The following CDH4 variants were observed in gnomAD, a reference collection of about 807,000 sequenced individuals.
CDH4 encodes cadherin-4.
A neutral mutation model predicts 86.0 loss-of-function variants in CDH4; 33 were observed. The ratio of observed to expected loss-of-function variants is 0.38; its 90% CI spans 0.29 to 0.51. CDH4 has a LOEUF of 0.51. CDH4 is among the 20% of genes least tolerant of loss of function. The probability of loss-of-function intolerance (pLI) is 0.86; values close to 1 mark genes in which losing one functional copy is unlikely to be tolerated. For missense variants in CDH4, 1,114 were observed against 1,307.4 expected (o/e 0.85, Z 2.28); for synonymous variants, 555 against 549.4 (o/e 1.01, Z -0.14).
chr20:61,778,632 A>T (rs1978373294), intron 4 of CDH4, among the ~76,000 whole-genome samples: 1 of 152,082 alleles, frequency 6.6e-6, no homozygotes, highest in Non-Finnish European at 1.5e-5. Flanking sequence ...CCGCAGTCTA[A>T]AGTGAGTGGT....
chr20:61,372,821 G>A (rs182492103), intron 2 of CDH4, among the ~76,000 whole-genome samples: 8 of 152,338 alleles, frequency 5.3e-5, no homozygotes, highest in African/African-American at 1.9e-4. Flanking sequence ...CACTTACCAA[G>A]CTAGACTATT....
chr20:61,894,512 G>A lies in CDH4; in HGVS notation c.1051-398G>A, dbSNP rs138225705. 1.6e-4 allele frequency among the ~76,000 whole-genome samples: 24 copies of A among 152,230 alleles called. No homozygotes were observed. In the East Asian group the frequency reaches 4.3e-3, roughly 27 times the overall value. On this transcript the variant is annotated intron_variant, in intron 7 of 15. Coordinates refer to ENST00000614565, the MANE Select transcript of CDH4 (RefSeq NM_001794.5). The stretch of plus-strand genomic sequence containing the variant: ...CAAGAAACGAAGTCCCTCCTGACCC[G>A]CGTCTGTGGGGCATCCCTCCCTTTG...
At chr20:61,751,689 T>C (rs563250502) in intron 3 of CDH4, among the ~76,000 whole-genome samples, 1 of 152,354 alleles carries the variant, frequency 6.6e-6, no homozygotes, top group South Asian at 2.1e-4. Context: ...TAAAGGGTTA[T>C]GTAAGTACCT....
At chr20:61,882,862 G>A (rs1003500988) in intron 7 of CDH4, among the ~76,000 whole-genome samples, 10 of 134,442 alleles carry the variant, frequency 7.4e-5, no homozygotes, top group African/African-American at 1.4e-4. Context: ...TCACCCGGCC[G>A]GCCCCGCAGG....
chr20:61,500,157 T>C (rs1319582956), intron 2 of CDH4, among the ~76,000 whole-genome samples: 1 of 152,174 alleles, frequency 6.6e-6, no homozygotes, highest in African/African-American at 2.4e-5. Flanking sequence ...CTCGGGATGG[T>C]CCCGTGTGTC....
intron 2 of CDH4, among the ~76,000 whole-genome samples, chr20:61,297,496 A>G (rs749136590): frequency 1.3e-4 from 20 of 152,232 alleles, no homozygotes; most frequent in Non-Finnish European, 2.4e-4. Flanking sequence ...CTCACCATGA[A>G]CATATCTCAG....
In CDH4 at chr20:61,852,866, A is replaced by C; in HGVS notation, c.845A>C (p.Tyr282Ser). The change falls in exon 6 of 16, where the codon TAC (tyrosine) becomes TCC (serine). Residue 282 changes from tyrosine to serine, a missense_variant. Coordinates refer to ENST00000614565, the MANE Select transcript of CDH4 (RefSeq NM_001794.5). ...DNRPEFINQV[Y>S]NGSVDEGSKP... Reference sequence around the variant, plus strand: ...CGCCCTGAGTTCATCAACCAGGTCTACAACGGCTCCGTGGACGAGGGCTCC... The same window carrying C: ...CGCCCTGAGTTCATCAACCAGGTCTCCAACGGCTCCGTGGACGAGGGCTCC... 2.5e-6 allele frequency: 4 copies of C among 1,614,024 alleles called. No individual in the cohort carries two copies. The highest frequency in any genetic ancestry group is 3.4e-6 in the Non-Finnish European group (4 of 1,179,946).
intron 2 of CDH4, among the ~76,000 whole-genome samples, chr20:61,326,380 C>T (rs1260305093): frequency 6.6e-6 from 1 of 152,154 alleles, no homozygotes; most frequent in African/African-American, 2.4e-5. Context: ...ATGAAATACA[C>T]AACACTCTTT....
intron 2 of CDH4, among the ~76,000 whole-genome samples, chr20:61,443,066 C>T (rs2085322720): frequency 6.6e-6 from 1 of 152,222 alleles, no homozygotes; most frequent in Admixed American, 6.5e-5. Flanking sequence ...TGATTGAGAA[C>T]CGCTGCCTAG....
At chr20:61,806,810 C>G (rs1229370545) in intron 4 of CDH4, among the ~76,000 whole-genome samples, 2 of 152,152 alleles carry the variant, frequency 1.3e-5, no homozygotes, top group African/African-American at 4.8e-5. Flanking sequence ...CATGTGCACA[C>G]CGTCTCTGTG....
intron 4 of CDH4, among the ~76,000 whole-genome samples, chr20:61,797,855 C>T (rs889336059): frequency 3.9e-5 from 6 of 152,156 alleles, no homozygotes; most frequent in African/African-American, 7.2e-5. Context: ...GAAGCCCAGG[C>T]GGAGAGATCG....
At chr20:61,602,175 G>A (rs890315194) in intron 2 of CDH4, among the ~76,000 whole-genome samples, 2 of 152,184 alleles carry the variant, frequency 1.3e-5, no homozygotes, top group African/African-American at 4.8e-5. Flanking sequence ...AGGGTGTCCA[G>A]CTGAGCCCTC....
chr20:61,794,717 A>G (rs1979434384), intron 4 of CDH4, among the ~76,000 whole-genome samples: 1 of 152,210 alleles, frequency 6.6e-6, no homozygotes, highest in Non-Finnish European at 1.5e-5. Flanking sequence ...CCATGCACCT[A>G]GGACCAAAAA....
At chr20:61,682,311 TGGAA>T (rs200992859) in intron 2 of CDH4, among the ~76,000 whole-genome samples, 1 of 146,902 alleles carries the variant, frequency 6.8e-6, no homozygotes, top group African/African-American at 2.5e-5. Flanking sequence ...AAGGGACAGA[TGGAA>T]GGAGAGAGGG....
At position 61,378,471 on chromosome 20, in the gene CDH4, C is replaced by T. The variant is rs1056632175; in HGVS notation, c.169+123534C>T. Reference sequence around the variant, plus strand: ...GCTCCCTCCCTGGGTTTCTCCAGCTCCTGCTGGCTCCGGCTTTCCTTGGCT... The same window carrying T: ...GCTCCCTCCCTGGGTTTCTCCAGCTTCTGCTGGCTCCGGCTTTCCTTGGCT... On this transcript the variant is annotated intron_variant, in intron 2 of 15. Transcript: ENST00000614565. 3.9e-5 allele frequency among the ~76,000 whole-genome samples: 6 copies of T among 152,288 alleles called. No homozygotes were observed. In the Middle Eastern group the frequency reaches 0.01, roughly 259 times the overall value.
At chr20:61,565,270 T>TGGTG (rs1600764292) in intron 2 of CDH4, among the ~76,000 whole-genome samples, 2 of 116,664 alleles carry the variant, frequency 1.7e-5, no homozygotes, top group South Asian at 3.0e-4. Flanking sequence ...GTGGTGGTGG[T>TGGTG]CCTCTTGGTG....
At position 61,676,744 on chromosome 20, in the gene CDH4, C is replaced by A. The variant is rs1348000185; in HGVS notation, c.170-66819C>A. On this transcript the variant is annotated intron_variant, in intron 2 of 15. Coordinates refer to ENST00000614565, the MANE Select transcript of CDH4 (RefSeq NM_001794.5). The surrounding 1 kb of genome is among the most constrained non-coding windows in gnomAD (Gnocchi z 4.5). Reference sequence around the variant, plus strand: ...TGATGTAATACAAATGTAAATGATGCTGCATTTCAGAAGGTGGTGTTTGCT... The same window carrying A: ...TGATGTAATACAAATGTAAATGATGATGCATTTCAGAAGGTGGTGTTTGCT... 6.6e-6 allele frequency among the ~76,000 whole-genome samples: 1 copy of A among 152,240 alleles called. No homozygotes were observed. The highest frequency in any genetic ancestry group is 1.5e-5 in the Non-Finnish European group (1 of 68,052).
intron 2 of CDH4, among the ~76,000 whole-genome samples, chr20:61,389,414 AGCATGTC>A (rs2084969031): frequency 6.6e-6 from 1 of 152,224 alleles, no homozygotes; most frequent in African/African-American, 2.4e-5. Flanking sequence ...TGTAAAAGTG[AGCATGTC>A]TTTCTGGTCC....
chr20:61,292,106 C>G (rs1208319577), intron 2 of CDH4, among the ~76,000 whole-genome samples: 1 of 152,162 alleles, frequency 6.6e-6, no homozygotes, highest in Non-Finnish European at 1.5e-5. Flanking sequence ...GCAGAACTAC[C>G]ACTTGATCCA....
Sources: allele counts gnomAD v4.1 joint callset (sites outside exome capture counted in the v4.1 genomes callset), GRCh38; gene constraint gnomAD v4.1.1; non-coding constraint Gnocchi (gnomAD v3.1); transcripts MANE v1.5; gene names NCBI Gene and HGNC (gene_info 2026-07-23, HGNC 2026-07-21).